The following ARHGEF9 variants were observed in gnomAD, a reference collection of about 807,000 sequenced individuals.
The protein encoded by ARHGEF9 is Cdc42 guanine nucleotide exchange factor 9, also known as rho guanine nucleotide exchange factor 9.
ARHGEF9 carries 2 observed loss-of-function variants against 41.3 expected under a neutral mutation model. The observed-to-expected ratio is 0.05, with a 90% CI of 0.02 to 0.15. The LOEUF is 0.15. Ranked by LOEUF, ARHGEF9 falls within the 10% of genes least tolerant of loss-of-function variation. The pLI, the probability that ARHGEF9 is intolerant of heterozygous loss-of-function variation, is 1.00. For synonymous variants in ARHGEF9, 160 were observed against 154.4 expected (o/e 1.04, Z -0.27); for missense variants, 225 against 424.7 (o/e 0.53, Z 4.13).
intron 8 of ARHGEF9, among the ~76,000 whole-genome samples, chrX:63,648,179 A>T (rs1240134095): frequency 9.0e-6 from 1 of 111,517 alleles, no homozygotes; most frequent in Non-Finnish European, 1.9e-5. Flanking sequence ...TGAAGGAAAA[A>T]ATGTTAAGGG....
chrX:63,695,401 T>C lies in ARHGEF9; in HGVS notation c.582+1724A>G, dbSNP rs140767520. On this transcript the variant is annotated intron_variant, in intron 4 of 9. Coordinates refer to ENST00000671741, the MANE Select transcript of ARHGEF9 (RefSeq NM_001353921.2). The stretch of plus-strand genomic sequence containing the variant: ...ATCTCCCTGGTGATAAATACCTAGG[T>C]TGCTTCTAATGGTATTCCAACACAT... Among the ~76,000 whole-genome samples the C allele has an allele frequency of 5.7e-4, 64 of 111,784 alleles. No homozygotes were observed. In the East Asian group the frequency reaches 0.017, roughly 30 times the overall value.
At position 63,663,519 on chromosome X, in the gene ARHGEF9, A is replaced by G. The variant is rs1211447665; in HGVS notation, c.1077+2367T>C. ...TCTTCCTGGTAAAAAGGATTACTGA[A>G]CTTTCGGACATCCAATTAAATTGTG... On this transcript the variant is annotated intron_variant, in intron 7 of 9. Coordinates refer to ENST00000671741, the MANE Select transcript of ARHGEF9 (RefSeq NM_001353921.2). 7.2e-5 allele frequency among the ~76,000 whole-genome samples: 8 copies of G among 110,928 alleles called. No individual in the cohort carries two copies. The Admixed American group carries it at 7.7e-4, about 11-fold the overall frequency.
chrX:63,726,555 G>T (rs2053981094), intron 1 of ARHGEF9: 1 of 110,976 alleles, frequency 9.0e-6, no homozygotes, highest in African/African-American at 3.3e-5. Context: ...GGCCAGGGTG[G>T]TCTCAAACTC....
At chrX:63,758,955 T>C (rs1160929940) in intron 1 of ARHGEF9, among the ~76,000 whole-genome samples, 7 of 111,678 alleles carry the variant, frequency 6.3e-5, no homozygotes, top group African/African-American at 2.3e-4. Flanking sequence ...CAAACACCTA[T>C]TGGATGCATG....
chrX:63,713,733 C>CA (rs1556408411), intron 2 of ARHGEF9, among the ~76,000 whole-genome samples: 5 of 108,804 alleles, frequency 4.6e-5, no homozygotes, highest in Admixed American at 2.0e-4. Flanking sequence ...CACACACACA[C>CA]CCAGTTTTGG....
intron 7 of ARHGEF9, among the ~76,000 whole-genome samples, chrX:63,663,483 C>T (rs1183723043): frequency 9.0e-6 from 1 of 110,767 alleles, no homozygotes; most frequent in Non-Finnish European, 1.9e-5. Flanking sequence ...ATTTAGCATC[C>T]TCACCTCCTT....
chrX:63,773,959 A>G (rs2056246224), intron 1 of ARHGEF9, among the ~76,000 whole-genome samples: 1 of 110,521 alleles, frequency 9.0e-6, no homozygotes, highest in Admixed American at 9.7e-5. Flanking sequence ...GGCTACACCT[A>G]CACATTAACT....
intron 5 of ARHGEF9, among the ~76,000 whole-genome samples, chrX:63,675,179 T>A (rs192914157): frequency 9.0e-6 from 1 of 111,650 alleles, no homozygotes; most frequent in Non-Finnish European, 1.9e-5. Context: ...GAATACATAC[T>A]TCTTTTACAT....
At chrX:63,661,404 A>C (rs1556341362) in intron 7 of ARHGEF9, among the ~76,000 whole-genome samples, 1 of 112,224 alleles carries the variant, frequency 8.9e-6, no homozygotes, top group Admixed American at 9.5e-5. Context: ...CAGAGGGTGC[A>C]GGAAAAGCGG....
intron 7 of ARHGEF9, among the ~76,000 whole-genome samples, chrX:63,662,396 CT>C (rs2049277614): frequency 8.9e-6 from 1 of 111,925 alleles, no homozygotes; most frequent in Admixed American, 9.5e-5. Context: ...CTCCTATTAA[CT>C]AATTAAGTTA....
At chrX:63,710,636 A>G (rs1174942172) in intron 2 of ARHGEF9, among the ~76,000 whole-genome samples, 1 of 111,037 alleles carries the variant, frequency 9.0e-6, no homozygotes, top group Non-Finnish European at 1.9e-5. Context: ...CCCTTTCATG[A>G]TTAAAAAAAA....
chrX:63,682,820 A>G (rs1363222817), intron 4 of ARHGEF9, among the ~76,000 whole-genome samples: 1 of 112,074 alleles, frequency 8.9e-6, no homozygotes, highest in African/African-American at 3.2e-5. Flanking sequence ...TTAGGTATTA[A>G]TATTAAAAAT....
intron 9 of ARHGEF9, chrX:63,639,973 G>C (rs1446144807): frequency 8.9e-6 from 1 of 111,827 alleles, no homozygotes; most frequent in Admixed American, 9.5e-5. Context: ...GATGGTGTTA[G>C]GGAAATGAAG....
At chrX:63,653,075 C>T (rs1556331472) in intron 8 of ARHGEF9, among the ~76,000 whole-genome samples, 1 of 111,637 alleles carries the variant, frequency 9.0e-6, no homozygotes, top group Admixed American at 9.6e-5. Context: ...TACCCAGTCT[C>T]AGGTATTTAT....
At chrX:63,657,122 T>C in intron 7 of ARHGEF9, 1 of 112,317 alleles carries the variant, frequency 8.9e-6, no homozygotes, top group Non-Finnish European at 1.9e-5. Context: ...AGTCCTGTCC[T>C]GACAGATATC....
At chrX:63,768,613 C>CAGGCAA (rs782470295) in intron 1 of ARHGEF9, among the ~76,000 whole-genome samples, 1 of 111,964 alleles carries the variant, frequency 8.9e-6, no homozygotes, top group Non-Finnish European at 1.9e-5. Context: ...TCTGTGTCAC[C>CAGGCAA]AGGCAAATTT....
chrX:63,646,231 T>G (rs1230433384), intron 8 of ARHGEF9, among the ~76,000 whole-genome samples: 5 of 112,004 alleles, frequency 4.5e-5, no homozygotes, highest in African/African-American at 1.6e-4. Flanking sequence ...CTCTTTAGTT[T>G]CATTAGATCT....
chrX:63,746,769 T>C (rs1231191742), intron 1 of ARHGEF9, among the ~76,000 whole-genome samples: 1 of 112,232 alleles, frequency 8.9e-6, no homozygotes, highest in Non-Finnish European at 1.9e-5. Flanking sequence ...TTCAGACCTA[T>C]GAGACTGGTA....
At chrX:63,763,997 A>T (rs1260895624) in intron 1 of ARHGEF9, among the ~76,000 whole-genome samples, 3 of 111,977 alleles carry the variant, frequency 2.7e-5, no homozygotes, top group Non-Finnish European at 5.6e-5. Flanking sequence ...TGGAATGAAA[A>T]ATTCAGTTAG....
Sources: allele counts gnomAD v4.1 joint callset (sites outside exome capture counted in the v4.1 genomes callset), GRCh38; gene constraint gnomAD v4.1.1; transcripts MANE v1.5; gene names NCBI Gene and HGNC (gene_info 2026-07-23, HGNC 2026-07-21).